The following OSBPL1A variants were observed in gnomAD, a reference collection of about 807,000 sequenced individuals.
OSBPL1A encodes the protein oxysterol binding protein like 1A, also known as oxysterol-binding protein-related protein 1.
A neutral mutation model predicts 137.1 loss-of-function variants in OSBPL1A; 80 were observed. The ratio of observed to expected loss-of-function variants is 0.58; its 90% CI spans 0.49 to 0.70. The LOEUF (loss-of-function observed/expected upper bound fraction) is 0.70. Among genes scored for constraint, OSBPL1A ranks in the 30% least tolerant of loss-of-function variants. The pLI is 0.00. For synonymous variants in OSBPL1A, 365 were observed against 389.7 expected, an observed-to-expected ratio of 0.94 and a Z score of 0.75; for missense variants, 970 against 1,129.4, an observed-to-expected ratio of 0.86 and a Z score of 2.02.
intron 4 of OSBPL1A, among the ~76,000 whole-genome samples, chr18:24,349,852 A>C (rs982042382): frequency 2.6e-5 from 4 of 152,174 alleles, no homozygotes; most frequent in African/African-American, 9.7e-5. Flanking sequence ...ACGGTCCCTG[A>C]GCAGAGAATT....
At chr18:24,299,186 G>T (rs2090352347) in intron 14 of OSBPL1A, among the ~76,000 whole-genome samples, 1 of 152,050 alleles carries the variant, frequency 6.6e-6, no homozygotes, top group African/African-American at 2.4e-5. Flanking sequence ...TCTGTTGGCT[G>T]CCATTTTGTA....
At chr18:24,197,786 CTTTT>C (rs1043369707) in intron 17 of OSBPL1A, among the ~76,000 whole-genome samples, 3 of 122,812 alleles carry the variant, frequency 2.4e-5, no homozygotes, top group South Asian at 2.6e-4. Context: ...CTTTTCTTTT[CTTTT>C]TTTTTTTTTT....
intron 4 of OSBPL1A, among the ~76,000 whole-genome samples, chr18:24,361,220 T>G (rs2091616062): frequency 6.6e-6 from 1 of 152,042 alleles, no homozygotes; most frequent in Non-Finnish European, 1.5e-5. Flanking sequence ...AGAAGTGAGG[T>G]CTCCCTATGT....
chr18:24,343,106 A>T (rs367577517), intron 4 of OSBPL1A, among the ~76,000 whole-genome samples: 3 of 152,212 alleles, frequency 2.0e-5, no homozygotes, highest in East Asian at 3.9e-4. Flanking sequence ...ACTTGTATCC[A>T]GAATATATAA....
chr18:24,368,637 G>T (rs1287895589), intron 2 of OSBPL1A: 2 of 310,978 alleles, frequency 6.4e-6, no homozygotes, highest in African/African-American at 2.1e-5. Flanking sequence ...CGAGCTAGAT[G>T]ATCTCTAGCA....
At chr18:24,356,405 A>G (rs2091535979) in intron 4 of OSBPL1A, among the ~76,000 whole-genome samples, 1 of 152,182 alleles carries the variant, frequency 6.6e-6, no homozygotes, top group Admixed American at 6.5e-5. Flanking sequence ...ACATCTCACA[A>G]GCTGTTAGAT....
chr18:24,318,469 T>A, intron 9 of OSBPL1A, 132 bp downstream of exon 9: 4 of 779,664 alleles, frequency 5.1e-6, no homozygotes, highest in Admixed American at 2.9e-5. Flanking sequence ...AATCAGTGGT[T>A]TACATTATAC....
At chr18:24,302,912 TAA>T (rs2090429596) in intron 14 of OSBPL1A, among the ~76,000 whole-genome samples, 1 of 152,134 alleles carries the variant, frequency 6.6e-6, no homozygotes, top group Admixed American at 6.5e-5. Context: ...TCGCAAGAGT[TAA>T]AAGTGTTGTT....
intron 4 of OSBPL1A, among the ~76,000 whole-genome samples, chr18:24,353,489 C>T (rs1329117296): frequency 6.6e-6 from 1 of 151,958 alleles, no homozygotes; most frequent in Non-Finnish European, 1.5e-5. Flanking sequence ...ACTAGTTCAA[C>T]CATTGTGGAA....
rs761926437 is a variant in OSBPL1A, at chr18:24,354,691, A to G, written c.282+12201T>C. Among the ~76,000 whole-genome samples, 26 of 144,736 alleles carry G rather than the reference A, an allele frequency of 1.8e-4. No individual in the cohort carries two copies. In the Middle Eastern group the frequency reaches 0.022, roughly 120 times the overall value. The allele number at this position is 144,736 out of a possible 152,430, so 95.0% of individuals were successfully genotyped here. On this transcript the variant is annotated intron_variant, in intron 4 of 27. Transcript: ENST00000319481. The stretch of plus-strand genomic sequence containing the variant: ...GAAAAAAGAAGAAACAGAACTGAGC[A>G]CCCAATAGCTGTATAATGACATCAG...
chr18:24,322,148 T>C (rs1035979374), intron 7 of OSBPL1A, among the ~76,000 whole-genome samples: 4 of 149,900 alleles, frequency 2.7e-5, no homozygotes, highest in Non-Finnish European at 4.4e-5. Context: ...TTCCCTCTGT[T>C]GCCCAGGCTG....
At chr18:24,393,476 G>A (rs901302904) in intron 1 of OSBPL1A, among the ~76,000 whole-genome samples, 16 of 151,678 alleles carry the variant, frequency 1.1e-4, no homozygotes, top group African/African-American at 2.9e-4. Context: ...TTTTTGAGAC[G>A]GAGTCTCGCT....
chr18:24,294,678 T>C (rs969575850), intron 14 of OSBPL1A, among the ~76,000 whole-genome samples: 3 of 152,244 alleles, frequency 2.0e-5, no homozygotes, highest in Admixed American at 2.0e-4. Flanking sequence ...TTCCTGAGTT[T>C]CTAAGTATTC....
chr18:24,212,234 A>ATT (rs570518923), intron 17 of OSBPL1A, among the ~76,000 whole-genome samples: 7 of 145,764 alleles, frequency 4.8e-5, no homozygotes, highest in South Asian at 2.2e-4. Flanking sequence ...CACCTGGCTA[A>ATT]TTTTTTTTTT....
At chr18:24,336,505 C>T (rs1187027963) in intron 5 of OSBPL1A, among the ~76,000 whole-genome samples, 1 of 152,104 alleles carries the variant, frequency 6.6e-6, no homozygotes, top group Admixed American at 6.6e-5. Context: ...ATGCTGTTTA[C>T]AGAGATGTGT....
At chr18:24,292,900 G>A (rs981481585) in intron 14 of OSBPL1A, among the ~76,000 whole-genome samples, 1 of 151,990 alleles carries the variant, frequency 6.6e-6, no homozygotes, top group Non-Finnish European at 1.5e-5. Context: ...GAGGTCAGGA[G>A]TTCAAGGCCA....
chr18:24,289,449 T>C (rs1290282073), intron 14 of OSBPL1A, among the ~76,000 whole-genome samples: 2 of 125,320 alleles, frequency 1.6e-5, no homozygotes, highest in Non-Finnish European at 3.3e-5. Context: ...TGAGATGGAG[T>C]TGGGCTCTGT....
intron 15 of OSBPL1A, among the ~76,000 whole-genome samples, chr18:24,255,578 CCCT>C (rs967648291): frequency 2.0e-5 from 3 of 152,182 alleles, no homozygotes; most frequent in African/African-American, 7.2e-5. Context: ...GAAGCCTCTT[CCCT>C]CCTTCCAGTC....
chr18:24,216,194 G>A (rs8087879), intron 17 of OSBPL1A, among the ~76,000 whole-genome samples: 136,175 of 152,234 alleles, frequency 0.89, 61,060 homozygotes, highest in East Asian at 0.99. Context: ...GACCAGACAC[G>A]CCTTTGTATT....
Sources: gnomAD v4.1 joint callset for allele counts (sites outside exome capture counted in the v4.1 genomes callset) on GRCh38, gnomAD v4.1.1 for gene constraint, MANE v1.5 for transcripts, NCBI Gene and HGNC (gene_info 2026-07-23, HGNC 2026-07-21) for gene names.